Variants in SZT2 observed in about 807,000 individuals in gnomAD.
SZT2 encodes KICSTOR complex protein SZT2.
SZT2 carries 216 observed loss-of-function variants against 404.2 expected under a neutral mutation model. The ratio of observed to expected loss-of-function variants is 0.53; its 90% CI spans 0.48 to 0.60. The LOEUF is 0.60. SZT2 is among the 20% of genes least tolerant of loss of function. The pLI, the probability that SZT2 is intolerant of heterozygous loss-of-function variation, is 0.00. For missense variants in SZT2, 3,857 were observed against 4,459.2 expected, an observed-to-expected ratio of 0.86 and a Z score of 3.85; for synonymous variants, 1,693 against 1,749.9, an observed-to-expected ratio of 0.97 and a Z score of 0.81.
Position 43,451,832 on chromosome 1 carries a change from T to C in SZT2, c.*1352T>C, listed in dbSNP as rs1181757716. On this transcript the variant is annotated 3_prime_UTR_variant, in exon 72 of 72. Coordinates refer to ENST00000634258, the MANE Select transcript of SZT2 (RefSeq NM_001365999.1). Reference sequence around the variant, plus strand: ...TTGGAGGTTGGGTCTTCCTACCTTCTGTAAGATGGCTGCCGCTGTAAGAGA... The same window carrying C: ...TTGGAGGTTGGGTCTTCCTACCTTCCGTAAGATGGCTGCCGCTGTAAGAGA... 6 of 1,613,954 alleles carry C rather than the reference T, an allele frequency of 3.7e-6. No individual in the cohort carries two copies. The highest frequency in any genetic ancestry group is 4.2e-6 in the Non-Finnish European group (5 of 1,179,942).
chr1:43,453,610 T>C lies in SZT2; in HGVS notation c.*3130T>C. 2 of 1,529,424 alleles carry C rather than the reference T, an allele frequency of 1.3e-6. No homozygotes were observed. Among genetic ancestry groups the C allele is most frequent in the South Asian group, 1.2e-5 (1 of 81,934 alleles). The allele number at this position is 1,529,424 out of a possible 1,614,324, so 94.7% of individuals were successfully genotyped here. A position where few individuals can be genotyped will look rare whatever the true frequency, so the allele number is the denominator to read the frequency against. On this transcript the variant is annotated 3_prime_UTR_variant, in exon 72 of 72. Coordinates refer to ENST00000634258, the MANE Select transcript of SZT2 (RefSeq NM_001365999.1). ...CGCGACGCACCCGGGGGCGTGTTGA[T>C]CAGTACAAGCCGCAGCCCCGCTTCT...
Position 43,431,094 on chromosome 1 carries a change from T to C in SZT2, c.4916+4T>C. On this transcript the variant is annotated splice_donor_region_variant and intron_variant, in intron 33 of 71. Transcript: ENST00000634258. Reference sequence around the variant, plus strand: ...CCTCGGACCCTCAGCACCACCGGTGTGGCAGCAAGTTTGGTGGGGGGTTTG... The same window carrying C: ...CCTCGGACCCTCAGCACCACCGGTGCGGCAGCAAGTTTGGTGGGGGGTTTG... The C allele has an allele frequency of 6.2e-7, 1 of 1,611,350 alleles. No individual in the cohort carries two copies. Among genetic ancestry groups the C allele is most frequent in the Non-Finnish European group, 8.5e-7 (1 of 1,179,090 alleles).
chr1:43,426,584 T>G lies in SZT2; in HGVS notation c.3214+46T>G, dbSNP rs1653172937. The G allele has an allele frequency of 6.6e-7, 1 of 1,515,968 alleles. No individual in the cohort carries two copies. The highest frequency in any genetic ancestry group is 8.8e-7 in the Non-Finnish European group (1 of 1,130,260). The allele number at this position is 1,515,968 out of a possible 1,614,324, so 93.9% of individuals were successfully genotyped here. ...TGACACCAGACCCTGGCCCAGCCCT[T>G]TTCCCCCACCCTCACAGGGTGATTT... On this transcript the variant is annotated intron_variant, in intron 22 of 71. Coordinates refer to ENST00000634258, the MANE Select transcript of SZT2 (RefSeq NM_001365999.1). The surrounding 1 kb of genome is among the most constrained non-coding windows in gnomAD (Gnocchi z 4.9).
chr1:43,451,041 TCTC>T lies in SZT2; in HGVS notation c.*563_*565del. On this transcript the variant is annotated 3_prime_UTR_variant, in exon 72 of 72. Coordinates refer to ENST00000634258, the MANE Select transcript of SZT2 (RefSeq NM_001365999.1). ...CCTTTAATGAGGTGGGTTCAGAAGC[TCTC>T]CCATCTTCACAGCAACCCTGGCACT... 1.3e-6 allele frequency: 1 copy of T among 779,106 alleles called. No homozygotes were observed. 48.3% of individuals were successfully genotyped at this position (779,106 alleles called of 1,614,324 possible).
chr1:43,423,394 G>A (rs1001488265), intron 15 of SZT2, 78 bp downstream of exon 15: 17 of 1,365,856 alleles, frequency 1.2e-5, no homozygotes, highest in East Asian at 2.4e-5. Flanking sequence ...GGCTTAGCCC[G>A]GTGTGAGTAG....
intron 46 of SZT2, 189 bp downstream of exon 46, chr1:43,438,091 T>C (rs1654655717): frequency 1.7e-6 from 1 of 590,026 alleles, no homozygotes; most frequent in South Asian, 2.0e-5. Context: ...TCTTAGAACC[T>C]CCTATTACTC....
Position 43,451,042 on chromosome 1 carries a change from C to T in SZT2, c.*562C>T. 1 of 781,242 alleles carries T rather than the reference C, an allele frequency of 1.3e-6. No individual in the cohort carries two copies. Among genetic ancestry groups the T allele is most frequent in the Non-Finnish European group, 2.3e-6 (1 of 433,446 alleles). 48.4% of individuals were successfully genotyped at this position (781,242 alleles called of 1,614,324 possible). On this transcript the variant is annotated 3_prime_UTR_variant, in exon 72 of 72. Coordinates refer to ENST00000634258, the MANE Select transcript of SZT2 (RefSeq NM_001365999.1). Reference sequence around the variant, plus strand: ...CTTTAATGAGGTGGGTTCAGAAGCTCTCCCATCTTCACAGCAACCCTGGCA... The same window carrying T: ...CTTTAATGAGGTGGGTTCAGAAGCTTTCCCATCTTCACAGCAACCCTGGCA...
chr1:43,390,120 GCCCAGCCCGGAAGGCC>G (rs1191872737), intron 1 of SZT2, 125 bp downstream of exon 1: 3 of 1,171,894 alleles, frequency 2.6e-6, no homozygotes, highest in African/African-American at 3.2e-5. Context: ...GCAGGGACCA[GCCCAGCCCGGAAGGCC>G]CGACTATGGT....
rs1656599866 is a variant in SZT2 at position 43,452,938 on chromosome 1, GCCT to G, written c.*2463_*2465del. Reference sequence around the variant, plus strand: ...TCAGGAACGCTGCCAAATACACCAGGCCTCCTCTTGCCACAGCACCCTTGCAAG... The same window carrying G: ...TCAGGAACGCTGCCAAATACACCAGGCCTCTTGCCACAGCACCCTTGCAAG... On this transcript the variant is annotated 3_prime_UTR_variant, in exon 72 of 72. Transcript: ENST00000634258. 9 of 1,608,526 alleles carry G rather than the reference GCCT, an allele frequency of 5.6e-6. No homozygotes were observed. Among genetic ancestry groups the G allele is most frequent in the South Asian group, 5.6e-5 (5 of 89,574 alleles).
rs772308235 is a variant in SZT2, at chr1:43,452,181, C to G, written c.*1701C>G. 6.4e-7 allele frequency: 1 copy of G among 1,573,990 alleles called. No homozygotes were observed. The highest frequency in any genetic ancestry group is 8.7e-7 in the Non-Finnish European group (1 of 1,147,214). On this transcript the variant is annotated 3_prime_UTR_variant, in exon 72 of 72. Coordinates refer to ENST00000634258, the MANE Select transcript of SZT2 (RefSeq NM_001365999.1). ...GCACACCCACAGAGACATGTAAGTA[C>G]GTGTGTGTTTCCACCTTTCTCACCT...
Position 43,432,396 on chromosome 1 carries a change from C to A in SZT2, c.5399C>A (p.Ala1800Asp). 6.3e-7 allele frequency: 1 copy of A among 1,593,030 alleles called. No individual in the cohort carries two copies. The highest frequency in any genetic ancestry group is 8.5e-7 in the Non-Finnish European group (1 of 1,171,488). ...SHGEPSSAAW[A>D]WHSHEDRAEG... ...GGGGAGCCTTCTTCAGCGGCCTGGG[C>A]TTGGCACAGTCATGAGGACAGGGCT... The change falls in exon 37 of 72, where the codon GCT becomes GAT. Residue 1800 changes from alanine to aspartate, a missense_variant. By Grantham distance (126) the Ala-to-Asp change is moderately radical (BLOSUM62 -2). Around this residue, in one of 7 missense-constraint regions of SZT2, gnomAD observed 1,725 missense variants for 1,881.0 expected, o/e 0.92. Transcript: ENST00000634258.
Position 43,453,834 on chromosome 1 carries a change from A to AGGCGGGG in SZT2, c.*3359_*3360insGGGGCGG. On this transcript the variant is annotated 3_prime_UTR_variant, in exon 72 of 72. Coordinates refer to ENST00000634258, the MANE Select transcript of SZT2 (RefSeq NM_001365999.1). ...GCCGGGCGGAGTCCGCGGGATCCAA[A>AGGCGGGG]GGCGGCGGGCGGCGGGCGGCGGGCG... 3.3e-6 allele frequency: 4 copies of AGGCGGGG among 1,194,562 alleles called. No homozygotes were observed. The highest frequency in any genetic ancestry group is 4.2e-6 in the Non-Finnish European group (4 of 961,542). 74.0% of individuals were successfully genotyped at this position (1,194,562 alleles called of 1,614,324 possible).
chr1:43,425,099 C>T lies in SZT2; in HGVS notation c.2551-14C>T. On this transcript the variant is annotated splice_polypyrimidine_tract_variant and intron_variant, in intron 17 of 71. Transcript: ENST00000634258. The surrounding 1 kb of genome is among the most constrained non-coding windows in gnomAD (Gnocchi z 4.3). The stretch of plus-strand genomic sequence containing the variant: ...TGGCTGGGATTTGCCCAAGATCTCC[C>T]ATTTTGCCCACAGAATGAACCACCA... 2 of 1,614,094 alleles carry T rather than the reference C, an allele frequency of 1.2e-6. No homozygotes were observed. The highest frequency in any genetic ancestry group is 1.7e-6 in the Non-Finnish European group (2 of 1,179,968).
chr1:43,448,991 C>T lies in SZT2; in HGVS notation c.10086+263C>T. On this transcript the variant is annotated intron_variant, in intron 70 of 71. Coordinates refer to ENST00000634258, the MANE Select transcript of SZT2 (RefSeq NM_001365999.1). The surrounding 1 kb of genome is among the most constrained non-coding windows in gnomAD (Gnocchi z 4.2). ...GAGGGCCAGGCTCTGGAACTGACAA[C>T]CCAAGGAGCTGTCAGAACTTTGTCA... 2.2e-6 allele frequency: 1 copy of T among 448,972 alleles called. No homozygotes were observed. Among genetic ancestry groups the T allele is most frequent in the South Asian group, 3.0e-5 (1 of 32,932 alleles). 27.8% of individuals were successfully genotyped at this position (448,972 alleles called of 1,614,324 possible).
chr1:43,422,667 C>CCCCCCCCCCCCCCCCCCCCT, intron 13 of SZT2, 35 bp downstream of exon 13: 1 of 804,300 alleles, frequency 1.2e-6, no homozygotes, highest in Non-Finnish European at 1.7e-6. Context: ...CCCCCGCCCC[C>CCCCCCCCCCCCCCCCCCCCT]CCACCCCCCC....
intron 65 of SZT2, 103 bp downstream of exon 65, chr1:43,446,519 G>C (rs1655694506): frequency 7.0e-7 from 1 of 1,420,842 alleles, no homozygotes; most frequent in African/African-American, 1.4e-5. Context: ...CAGTAGGCGG[G>C]CTGGCCCAGT....
rs749145517 is a variant in SZT2 at position 43,451,742 on chromosome 1, GAGACCCCGC to G, written c.*1265_*1273del. 4 of 1,613,640 alleles carry G rather than the reference GAGACCCCGC, an allele frequency of 2.5e-6. No homozygotes were observed. In the East Asian group the frequency reaches 6.7e-5, roughly 27 times the overall value. On this transcript the variant is annotated 3_prime_UTR_variant, in exon 72 of 72. Transcript: ENST00000634258. ...CCTAGGGAAGAGGATACTACATTCCGAGACCCCGCAGGCCCCGCCCTCCTTCCGATCTGC... is the reference window on the plus strand; with the variant it reads ...CCTAGGGAAGAGGATACTACATTCCGAGGCCCCGCCCTCCTTCCGATCTGC...
rs370096553 is a variant in SZT2 at position 43,424,903 on chromosome 1, T to C, written c.2550+41T>C. The C allele has an allele frequency of 1.3e-6, 2 of 1,597,680 alleles. No individual in the cohort carries two copies. Among genetic ancestry groups the C allele is most frequent in the African/African-American group, 2.7e-5 (2 of 74,596 alleles). The stretch of plus-strand genomic sequence containing the variant: ...CATGACACCTCCCTGCCAAGGTCTG[T>C]CATAATCCCAGGGACACTCACCTCT... On this transcript the variant is annotated intron_variant, in intron 17 of 71. Transcript: ENST00000634258. This position sits in a 1 kb window ranked among gnomAD's most constrained non-coding sequence, Gnocchi z 4.1.
chr1:43,432,520 C>G lies in SZT2; in HGVS notation c.5446C>G (p.Leu1816Val). ...DRAEGIEGETLTASPQAPGSP... is the reference protein window; with the variant it reads ...DRAEGIEGETVTASPQAPGSP... ...GTCCTGACTTCCTATTCCTCAGACC[C>G]TGACAGCCAGCCCCCAAGCACCTGG... is the stretch of plus-strand genomic sequence containing the variant. The change falls in exon 38 of 72, where the codon CTG becomes GTG. Residue 1816 changes from leucine (L) to valine (V), a missense_variant. Coordinates refer to ENST00000634258, the MANE Select transcript of SZT2 (RefSeq NM_001365999.1). 1 of 1,604,972 alleles carries G rather than the reference C, an allele frequency of 6.2e-7. No individual in the cohort carries two copies. The highest frequency in any genetic ancestry group is 8.5e-7 in the Non-Finnish European group (1 of 1,175,776).
Sources: allele counts gnomAD v4.1 joint callset, GRCh38; gene constraint gnomAD v4.1.1; regional missense constraint gnomAD v4.1.1; non-coding constraint Gnocchi (gnomAD v3.1); transcripts MANE v1.5; gene names NCBI Gene and HGNC (gene_info 2026-07-23, HGNC 2026-07-21).